SLC24A2: variants seen among roughly 807,000 people sequenced by gnomAD.
SLC24A2 encodes the protein solute carrier family 24 member 2, also known as sodium/potassium/calcium exchanger 2.
SLC24A2 carries 36 observed loss-of-function variants against 62.0 expected under a neutral mutation model. The observed-to-expected ratio is 0.58, with a 90% CI of 0.44 to 0.77. The LOEUF (loss-of-function observed/expected upper bound fraction) is 0.77, where lower values mean the gene tolerates loss of function less well. SLC24A2 is among the 30% of genes least tolerant of loss of function. The pLI is 0.00. For missense variants in SLC24A2, 846 were observed against 817.9 expected, an observed-to-expected ratio of 1.03 and a Z score of -0.42; for synonymous variants, 358 against 294.0, an observed-to-expected ratio of 1.22 and a Z score of -2.23.
chr9:19,695,248 G>A (rs1820154154), intron 2 of SLC24A2, among the ~76,000 whole-genome samples: 1 of 152,048 alleles, frequency 6.6e-6, no homozygotes, highest in Admixed American at 6.6e-5. Flanking sequence ...CCAAATGTCA[G>A]TAGTGCCACT....
the SLC24A2 span, among the ~76,000 whole-genome samples, chr9:20,266,057 C>T: frequency 1.3e-5 from 2 of 152,174 alleles, no homozygotes; most frequent in African/African-American, 2.4e-5. Flanking sequence ...AATGACAATG[C>T]GTGCCCGAAA....
chr9:20,015,415 G>C, the SLC24A2 span, among the ~76,000 whole-genome samples: 2 of 152,182 alleles, frequency 1.3e-5, no homozygotes, highest in Non-Finnish European at 2.9e-5. Flanking sequence ...ATGAGAGTTA[G>C]AAGAGCTGTG....
chr9:20,034,508 G>T, the SLC24A2 span, among the ~76,000 whole-genome samples: 2 of 134,894 alleles, frequency 1.5e-5, no homozygotes, highest in African/African-American at 5.5e-5. Flanking sequence ...CGCCCAGGCT[G>T]GAATGCAGTG....
chr9:19,833,094 T>C, the SLC24A2 span, among the ~76,000 whole-genome samples: 18 of 152,154 alleles, frequency 1.2e-4, no homozygotes, highest in South Asian at 8.3e-4. Context: ...GGAAACGATA[T>C]TGGGAGCCAA....
the SLC24A2 span, among the ~76,000 whole-genome samples, chr9:20,032,164 G>A: frequency 3.3e-5 from 5 of 152,092 alleles, no homozygotes; most frequent in South Asian, 2.1e-4. Context: ...CTTTTTAACC[G>A]ATTAAAGCTT....
the SLC24A2 span, among the ~76,000 whole-genome samples, chr9:19,882,501 C>T: frequency 7.2e-5 from 11 of 152,074 alleles, no homozygotes; most frequent in East Asian, 1.9e-4. Context: ...TTTCCCTCCA[C>T]GCCCCCCACC....
the SLC24A2 span, among the ~76,000 whole-genome samples, chr9:20,169,480 G>T: frequency 6.6e-6 from 1 of 151,978 alleles, no homozygotes; most frequent in East Asian, 1.9e-4. Flanking sequence ...GGAATCCAGG[G>T]ATCTGCAGAC....
intron 2 of SLC24A2, among the ~76,000 whole-genome samples, chr9:19,707,684 G>T (rs1820575141): frequency 6.6e-6 from 1 of 152,212 alleles, no homozygotes; most frequent in South Asian, 2.1e-4. Context: ...TGCAGAAAAG[G>T]CCTTTGACAA....
the SLC24A2 span, among the ~76,000 whole-genome samples, chr9:20,063,239 A>C: frequency 1.3e-5 from 2 of 151,434 alleles, no homozygotes; most frequent in African/African-American, 2.4e-5. Flanking sequence ...CTTGGAACCC[A>C]CCCAAATGTC....
chr9:19,831,654 C>G, the SLC24A2 span, among the ~76,000 whole-genome samples: 1 of 152,124 alleles, frequency 6.6e-6, no homozygotes, highest in South Asian at 2.1e-4. Context: ...AGGAAGACAA[C>G]ATTGTCTTTA....
the SLC24A2 span, among the ~76,000 whole-genome samples, chr9:20,148,103 C>A: frequency 6.6e-6 from 1 of 151,926 alleles, no homozygotes; most frequent in Non-Finnish European, 1.5e-5. Flanking sequence ...ACCTGGATTT[C>A]AAAAGTTCTG....
intron 4 of SLC24A2, among the ~76,000 whole-genome samples, chr9:19,608,461 C>A (rs1837052263): frequency 6.6e-6 from 1 of 152,064 alleles, no homozygotes; most frequent in Non-Finnish European, 1.5e-5. Context: ...ACTTGGAAAG[C>A]CTTTACAGAA....
At chr9:20,304,818 G>A in the SLC24A2 span, among the ~76,000 whole-genome samples, 4 of 151,858 alleles carry the variant, frequency 2.6e-5, no homozygotes, top group Non-Finnish European at 5.9e-5. Context: ...AAAGTCTCAG[G>A]GATAATAAGC....
intron 8 of SLC24A2, among the ~76,000 whole-genome samples, chr9:19,536,174 TTTTC>T (rs1833963441): frequency 1.3e-5 from 2 of 150,858 alleles, no homozygotes; most frequent in Admixed American, 1.3e-4. Context: ...TTCTAAGAAA[TTTTC>T]TTTTTTTTTA....
chr9:20,028,762 C>T, the SLC24A2 span, among the ~76,000 whole-genome samples: 1 of 152,224 alleles, frequency 6.6e-6, no homozygotes, highest in Non-Finnish European at 1.5e-5. Flanking sequence ...CTGTCCTCCT[C>T]CTTTGATTCC....
At chr9:20,020,484 C>T in the SLC24A2 span, among the ~76,000 whole-genome samples, 3 of 152,112 alleles carry the variant, frequency 2.0e-5, no homozygotes, top group Non-Finnish European at 4.4e-5. Flanking sequence ...GAAAACCAAA[C>T]ACTGCATGTT....
chr9:20,055,850 C>T, the SLC24A2 span, among the ~76,000 whole-genome samples: 1 of 152,182 alleles, frequency 6.6e-6, no homozygotes, highest in East Asian at 1.9e-4. Flanking sequence ...GACGGCACCA[C>T]TGCACTCCAG....
At chr9:20,074,607 A>AAGGAAGGG in the SLC24A2 span, among the ~76,000 whole-genome samples, 824 of 69,162 alleles carry the variant, frequency 0.012, 29 homozygotes, top group Middle Eastern at 0.019. Context: ...GGAAGGAAAG[A>AAGGAAGGG]AGGGAGTGAG....
At chr9:19,720,834 A>AAGGTGTGTGTG (rs1219217757) in intron 2 of SLC24A2, among the ~76,000 whole-genome samples, 2 of 123,604 alleles carry the variant, frequency 1.6e-5, no homozygotes, top group African/African-American at 6.8e-5. Context: ...TATATGTGGA[A>AAGGTGTGTGTG]TGATGTGTGT....
Sources: allele counts gnomAD v4.1 joint callset (sites outside exome capture counted in the v4.1 genomes callset), GRCh38; gene constraint gnomAD v4.1.1; transcripts MANE v1.5; gene names NCBI Gene and HGNC (gene_info 2026-07-23, HGNC 2026-07-21).